The following GNG4 variants were observed in gnomAD, a reference collection of about 807,000 sequenced individuals.
The protein encoded by GNG4 is G protein subunit gamma 4.
A neutral mutation model predicts 5.8 loss-of-function variants in GNG4; 4 were observed. The ratio of observed to expected loss-of-function variants is 0.69; its 90% CI spans 0.34 to 1.57. The LOEUF is 1.57. Among genes scored for constraint, GNG4 ranks in the 40% most tolerant of loss-of-function variants. The pLI is 0.06. For missense variants in GNG4, 96 were observed against 95.1 expected, an observed-to-expected ratio of 1.01 and a Z score of -0.04; for synonymous variants, 29 against 32.9, an observed-to-expected ratio of 0.88 and a Z score of 0.41.
intron 3 of GNG4, among the ~76,000 whole-genome samples, chr1:235,570,414 T>G (rs1362149978): frequency 2.0e-5 from 3 of 149,422 alleles, no homozygotes; most frequent in African/African-American, 7.4e-5. Flanking sequence ...TTTTTTTTTT[T>G]GAGACGGAGT....
rs1424701604 is a variant in GNG4 at position 235,551,988 on chromosome 1, C to G, written c.*121G>C. 1.4e-6 allele frequency: 1 copy of G among 737,074 alleles called. No individual in the cohort carries two copies. The highest frequency in any genetic ancestry group is 2.3e-6 in the Non-Finnish European group (1 of 440,366). The allele number at this position is 737,074 out of a possible 1,614,324, so 45.7% of individuals were successfully genotyped here. A position where few individuals can be genotyped will look rare whatever the true frequency, so the allele number is the denominator to read the frequency against. The stretch of plus-strand genomic sequence containing the variant: ...AACAGATGGAAACATAAGACAAGCC[C>G]CGGCCACTGTTGGCTGGGCAGGGAT... On this transcript the variant is annotated 3_prime_UTR_variant, in exon 4 of 4. Coordinates refer to ENST00000391854, the MANE Select transcript of GNG4 (RefSeq NM_001098722.2).
chr1:235,569,604 A>G lies in GNG4; in HGVS notation c.99+14136T>C, dbSNP rs368502783. The stretch of plus-strand genomic sequence containing the variant: ...GAGTGCAATGGCACGATCTTGGCTC[A>G]CTAGATTCCTCATGACCTCTTTCCT... On this transcript the variant is annotated intron_variant, in intron 3 of 3. Transcript: ENST00000391854. 2.9e-4 allele frequency among the ~76,000 whole-genome samples: 44 copies of G among 151,452 alleles called. No homozygotes were observed. The East Asian group carries it at 5.1e-3, about 17-fold the overall frequency.
intron 2 of GNG4, among the ~76,000 whole-genome samples, chr1:235,594,766 T>G (rs975370199): frequency 3.9e-5 from 6 of 151,958 alleles, no homozygotes; most frequent in Admixed American, 3.3e-4. Context: ...TGCCTCTCCC[T>G]CCACACCTCC....
intron 1 of GNG4, among the ~76,000 whole-genome samples, chr1:235,606,296 C>T (rs1156363612): frequency 6.6e-6 from 1 of 152,088 alleles, no homozygotes; most frequent in Non-Finnish European, 1.5e-5. Context: ...GAAGGAGAAT[C>T]GCTTGAACCC....
chr1:235,596,896 C>CT (rs796171049), intron 1 of GNG4, among the ~76,000 whole-genome samples: 158 of 144,864 alleles, frequency 1.1e-3, no homozygotes, highest in East Asian at 2.0e-3. Context: ...CTAATTTTTA[C>CT]TTTTTTTTTT....
intron 1 of GNG4, among the ~76,000 whole-genome samples, chr1:235,612,065 C>CA (rs68070269): frequency 3.7e-4 from 35 of 93,488 alleles, no homozygotes; most frequent in Non-Finnish European, 5.9e-4. Context: ...CTTTGTCTCA[C>CA]AAAAAAAAAA....
At chr1:235,561,362 G>A (rs1279569180) in intron 3 of GNG4, among the ~76,000 whole-genome samples, 1 of 151,682 alleles carries the variant, frequency 6.6e-6, no homozygotes, top group Non-Finnish European at 1.5e-5. Flanking sequence ...GTGTTTTAAG[G>A]GTTCTCTCTC....
At position 235,562,857 on chromosome 1, in the gene GNG4, A is replaced by C. The variant is rs536584627; in HGVS notation, c.100-10620T>G. On this transcript the variant is annotated intron_variant, in intron 3 of 3. Coordinates refer to ENST00000391854, the MANE Select transcript of GNG4 (RefSeq NM_001098722.2). ...GAGTTTTGTAGTTTTCCTCATATAG[A>C]TCTTGTGCATATTGAATATATCTGA... Among the ~76,000 whole-genome samples the C allele has an allele frequency of 4.0e-5, 6 of 151,866 alleles. No individual in the cohort carries two copies. In the South Asian group the frequency reaches 1.2e-3, roughly 32 times the overall value.
At chr1:235,583,302 A>AT (rs1687684889) in intron 3 of GNG4, among the ~76,000 whole-genome samples, 6 of 152,114 alleles carry the variant, frequency 3.9e-5, no homozygotes, top group Admixed American at 3.9e-4. Flanking sequence ...ACCTTTCTTC[A>AT]TTTTCACCAA....
At chr1:235,595,824 A>G (rs1688109750) in intron 1 of GNG4, among the ~76,000 whole-genome samples, 2 of 152,212 alleles carry the variant, frequency 1.3e-5, no homozygotes, top group Admixed American at 1.3e-4. Context: ...AAGGAGCCCC[A>G]GCTCCAGCCA....
Position 235,573,280 on chromosome 1 carries a change from C to T in GNG4, c.99+10460G>A, listed in dbSNP as rs192777105. Among the ~76,000 whole-genome samples, 827 of 139,488 alleles carry T rather than the reference C, an allele frequency of 5.9e-3. 10 individuals carry two copies. The highest frequency in any genetic ancestry group is 0.021 in the African/African-American group (767 of 36,824). The allele number at this position is 139,488 out of a possible 152,430, so 91.5% of individuals were successfully genotyped here. On this transcript the variant is annotated intron_variant, in intron 3 of 3. Transcript: ENST00000391854. ...CTCATAGGTGGGAATTGAACAATATCGCTTGGGCACAGGATAGGGAACATC... is the reference window on the plus strand; with the variant it reads ...CTCATAGGTGGGAATTGAACAATATTGCTTGGGCACAGGATAGGGAACATC...
At chr1:235,573,429 C>A (rs1687394492) in intron 3 of GNG4, among the ~76,000 whole-genome samples, 1 of 151,430 alleles carries the variant, frequency 6.6e-6, no homozygotes, top group African/African-American at 2.4e-5. Context: ...ACATATGTAA[C>A]AAACCTGCAT....
At chr1:235,591,445 T>G (rs60209053) in intron 2 of GNG4, among the ~76,000 whole-genome samples, 5,777 of 152,238 alleles carry the variant, frequency 0.038, 358 homozygotes, top group African/African-American at 0.13. Context: ...GACAACCACA[T>G]GCTTTGAAGA....
At chr1:235,578,457 A>G (rs1355527512) in intron 3 of GNG4, among the ~76,000 whole-genome samples, 1 of 152,232 alleles carries the variant, frequency 6.6e-6, no homozygotes, top group Non-Finnish European at 1.5e-5. Context: ...CAGTATGTCA[A>G]AGAAAGATCT....
At chr1:235,590,739 C>T (rs936177304) in intron 2 of GNG4, among the ~76,000 whole-genome samples, 1 of 152,164 alleles carries the variant, frequency 6.6e-6, no homozygotes, top group Non-Finnish European at 1.5e-5. Flanking sequence ...TGGCCCTGCA[C>T]ACCTGGACGT....
chr1:235,638,757 T>C (rs1039037694), intron 1 of GNG4, among the ~76,000 whole-genome samples: 4 of 152,138 alleles, frequency 2.6e-5, no homozygotes, highest in African/African-American at 9.7e-5. Flanking sequence ...CATGCGATGT[T>C]TGGTTTTCTG....
intron 1 of GNG4, among the ~76,000 whole-genome samples, chr1:235,610,015 T>C (rs748240996): frequency 2.6e-5 from 4 of 152,234 alleles, no homozygotes; most frequent in Non-Finnish European, 5.9e-5. Flanking sequence ...CTATTATTGA[T>C]ACGTTACCAT....
chr1:235,646,753 T>A (rs1657521635), intron 1 of GNG4, among the ~76,000 whole-genome samples: 1 of 152,216 alleles, frequency 6.6e-6, no homozygotes, highest in Non-Finnish European at 1.5e-5. Context: ...GGGAATCTGA[T>A]TGCCCACCAG....
chr1:235,581,464 G>A (rs1465421323), intron 3 of GNG4, among the ~76,000 whole-genome samples: 1 of 151,230 alleles, frequency 6.6e-6, no homozygotes, highest in Admixed American at 6.6e-5. Flanking sequence ...GGGAGGCGGA[G>A]CTTGCAGTGA....
Sources: gnomAD v4.1 joint callset for allele counts (sites outside exome capture counted in the v4.1 genomes callset) on GRCh38, gnomAD v4.1.1 for gene constraint, MANE v1.5 for transcripts, NCBI Gene and HGNC (gene_info 2026-07-23, HGNC 2026-07-21) for gene names.